The following ZC3H12B variants were observed in gnomAD, a reference collection of about 807,000 sequenced individuals.
The protein encoded by ZC3H12B is probable ribonuclease ZC3H12B.
ZC3H12B carries 7 observed loss-of-function variants against 43.9 expected under a neutral mutation model. That is an observed-to-expected ratio of 0.16 (90% confidence interval 0.09 to 0.30). The LOEUF (loss-of-function observed/expected upper bound fraction) is 0.30. Among genes scored for constraint, ZC3H12B ranks in the 10% least tolerant of loss-of-function variants. The pLI, the probability that ZC3H12B is intolerant of heterozygous loss-of-function variation, is 1.00. For synonymous variants in ZC3H12B, 222 were observed against 241.7 expected, an observed-to-expected ratio of 0.92 and a Z score of 0.76; for missense variants, 475 against 670.2, an observed-to-expected ratio of 0.71 and a Z score of 3.22.
Position 65,456,603 on chromosome X carries a change from T to A in ZC3H12B, n.408-32043T>A, listed in dbSNP as rs1194385215. Among the ~76,000 whole-genome samples, 4 of 105,463 alleles carry A rather than the reference T, an allele frequency of 3.8e-5. No individual in the cohort carries two copies. In the South Asian group the frequency reaches 1.3e-3, roughly 35 times the overall value. 91.6% of individuals were successfully genotyped at this position (105,463 alleles called of 115,157 possible). ...GCAGGCGCGCGCCGCCACGCCTGACTGGTTTTCGTTTTTTTTTTTTGGTGG... is the reference window on the plus strand; with the variant it reads ...GCAGGCGCGCGCCGCCACGCCTGACAGGTTTTCGTTTTTTTTTTTTGGTGG... On this transcript the variant is annotated intron_variant and non_coding_transcript_variant, in intron 3 of 5. Transcript: ENST00000617377.
chrX:65,293,408 C>T, the ZC3H12B span, among the ~76,000 whole-genome samples: 2 of 110,148 alleles, frequency 1.8e-5, no homozygotes, highest in African/African-American at 6.6e-5. Context: ...TGAGAAGAAA[C>T]CAGAGAAGCA....
At chrX:65,214,219 T>C in the ZC3H12B span, among the ~76,000 whole-genome samples, 1 of 111,343 alleles carries the variant, frequency 9.0e-6, no homozygotes, top group African/African-American at 3.3e-5. Context: ...TTAGGGTGGC[T>C]GTAGCAATTT....
exon 5 of ZC3H12B, chrX:65,506,295 C>A (rs1330389234): frequency 8.9e-6 from 1 of 112,506 alleles, no homozygotes; most frequent in Non-Finnish European, 1.9e-5. Flanking sequence ...AGTGACTCAT[C>A]TGCAAGAATC....
the ZC3H12B span, among the ~76,000 whole-genome samples, chrX:65,065,282 G>C: frequency 8.9e-6 from 1 of 111,797 alleles, no homozygotes; most frequent in African/African-American, 3.3e-5. Flanking sequence ...ACTGGTACCA[G>C]TTTTTCCTTT....
the ZC3H12B span, among the ~76,000 whole-genome samples, chrX:65,174,908 G>A: frequency 9.3e-6 from 1 of 107,932 alleles, no homozygotes; most frequent in African/African-American, 3.4e-5. Context: ...GGTTCCAGGT[G>A]CCAATGGAGG....
At chrX:65,046,797 A>C in the ZC3H12B span, among the ~76,000 whole-genome samples, 1 of 111,267 alleles carries the variant, frequency 9.0e-6, no homozygotes, top group Non-Finnish European at 1.9e-5. Context: ...AAAGTGAGGG[A>C]TGTGCTACTC....
rs1020502831 is a variant in ZC3H12B, at chrX:65,388,662, C to A, written n.296-9931C>A. Among the ~76,000 whole-genome samples, 3 of 112,015 alleles carry A rather than the reference C, an allele frequency of 2.7e-5. No homozygotes were observed. In the Admixed American group the frequency reaches 2.8e-4, roughly 11 times the overall value. Reference sequence around the variant, plus strand: ...CAACTCGTCAAAGTCATTCTCCATCCGGGTTTGTTCCATTGCTGGTGAGGA... The same window carrying A: ...CAACTCGTCAAAGTCATTCTCCATCAGGGTTTGTTCCATTGCTGGTGAGGA... On this transcript the variant is annotated intron_variant and non_coding_transcript_variant, in intron 2 of 5. Coordinates refer to the ZC3H12B transcript ENST00000617377.
the ZC3H12B span, among the ~76,000 whole-genome samples, chrX:65,038,332 G>A: frequency 9.0e-6 from 1 of 110,893 alleles, no homozygotes; most frequent in African/African-American, 3.3e-5. Flanking sequence ...ATAGTTTCTA[G>A]GCTCAACAAA....
At chrX:65,363,389 C>G (rs765761602), upstream of ZC3H12B, among the ~76,000 whole-genome samples, 1 of 111,924 alleles carries the variant, frequency 8.9e-6, no homozygotes, top group Non-Finnish European at 1.9e-5. Context: ...CTGACCCCTT[C>G]TACAAAACAA....
chrX:65,366,395 A>G (rs1174429549), upstream of ZC3H12B, among the ~76,000 whole-genome samples: 1 of 111,707 alleles, frequency 9.0e-6, no homozygotes, highest in African/African-American at 3.3e-5. Context: ...TCTTTGGATC[A>G]TGTTGTGTTT....
chrX:65,268,015 T>C, the ZC3H12B span, among the ~76,000 whole-genome samples: 1 of 109,625 alleles, frequency 9.1e-6, no homozygotes, highest in Admixed American at 9.7e-5. Context: ...TCGGAGGCCC[T>C]AGCTAGAATA....
chrX:65,290,918 A>G, the ZC3H12B span, among the ~76,000 whole-genome samples: 3 of 111,298 alleles, frequency 2.7e-5, no homozygotes, highest in East Asian at 2.8e-4. Flanking sequence ...AAGTAAGATA[A>G]AAGGAATAAA....
intron 3 of ZC3H12B, among the ~76,000 whole-genome samples, chrX:65,477,351 T>G (rs916192013): frequency 9.7e-6 from 1 of 103,093 alleles, no homozygotes; most frequent in African/African-American, 4.2e-5. Context: ...ACAAGGAGGT[T>G]AAACAAGCAT....
chrX:65,288,786 G>GA, the ZC3H12B span, among the ~76,000 whole-genome samples: 1 of 111,058 alleles, frequency 9.0e-6, no homozygotes, highest in African/African-American at 3.3e-5. Flanking sequence ...ATCCAAATTC[G>GA]AAAAAAGAAA....
At chrX:65,229,284 A>T in the ZC3H12B span, among the ~76,000 whole-genome samples, 11 of 112,144 alleles carry the variant, frequency 9.8e-5, no homozygotes, top group East Asian at 2.0e-3. Context: ...GCAATGGGGA[A>T]AGGATTCCCG....
chrX:65,295,638 C>G, the ZC3H12B span, among the ~76,000 whole-genome samples: 1 of 110,625 alleles, frequency 9.0e-6, no homozygotes, highest in Admixed American at 9.7e-5. Context: ...AAAAGATAAA[C>G]AAAATTAGGA....
chrX:65,153,206 T>C, the ZC3H12B span, among the ~76,000 whole-genome samples: 3 of 111,854 alleles, frequency 2.7e-5, no homozygotes, highest in Non-Finnish European at 3.8e-5. Context: ...CCAAAAGCAA[T>C]GGCAACAAAA....
the ZC3H12B span, among the ~76,000 whole-genome samples, chrX:65,127,821 G>T: frequency 9.0e-6 from 1 of 110,806 alleles, no homozygotes; most frequent in Non-Finnish European, 1.9e-5. Flanking sequence ...GCAGTCACAG[G>T]CCTCACCCCC....
chrX:65,271,910 G>A, the ZC3H12B span: 4 of 142,202 alleles, frequency 2.8e-5, no homozygotes, highest in Admixed American at 2.5e-4. Context: ...CGTGGAACAA[G>A]TGCTGTGAAA....
Sources: allele counts gnomAD v4.1 joint callset (sites outside exome capture counted in the v4.1 genomes callset), GRCh38; gene constraint gnomAD v4.1.1; transcripts MANE v1.5; gene names NCBI Gene and HGNC (gene_info 2026-07-23, HGNC 2026-07-21).